Variants in NRG1 observed in about 807,000 individuals in gnomAD.
The protein encoded by NRG1 is pro-neuregulin-1, membrane-bound isoform.
A neutral mutation model predicts 63.8 loss-of-function variants in NRG1; 18 were observed. That is an observed-to-expected ratio of 0.28 (90% CI 0.19 to 0.42). NRG1 has a LOEUF of 0.42. NRG1 is among the 10% of genes least tolerant of loss of function. The pLI, the probability that NRG1 is intolerant of heterozygous loss-of-function variation, is 1.00. For missense variants in NRG1, 762 were observed against 814.7 expected (o/e 0.94, Z 0.79); for synonymous variants, 302 against 301.3 (o/e 1.00, Z -0.02).
chr8:32,219,578 T>G (rs1356484993), intron 1 of NRG1, among the ~76,000 whole-genome samples: 1 of 152,220 alleles, frequency 6.6e-6, no homozygotes, highest in Non-Finnish European at 1.5e-5. Context: ...ATTTTCCTGC[T>G]CTGTTCATAC....
intron 1 of NRG1, among the ~76,000 whole-genome samples, chr8:32,443,741 G>A (rs568604302): frequency 3.3e-5 from 5 of 152,168 alleles, no homozygotes; most frequent in African/African-American, 9.6e-5. Flanking sequence ...CTAGATAGAA[G>A]CATTTATGAT....
At chr8:32,334,143 GT>G (rs945156829) in intron 1 of NRG1, among the ~76,000 whole-genome samples, 1 of 152,040 alleles carries the variant, frequency 6.6e-6, no homozygotes, top group Non-Finnish European at 1.5e-5. Context: ...TTACAAGACT[GT>G]TTTTTTCTTT....
intron 1 of NRG1, among the ~76,000 whole-genome samples, chr8:32,173,942 G>A (rs984491157): frequency 2.6e-5 from 4 of 152,064 alleles, no homozygotes; most frequent in African/African-American, 9.7e-5. Flanking sequence ...GAGACAGAAA[G>A]TTAACAAGGA....
chr8:32,497,917 G>A (rs942541803), intron 1 of NRG1, among the ~76,000 whole-genome samples: 10 of 152,088 alleles, frequency 6.6e-5, no homozygotes, highest in East Asian at 1.9e-4. Context: ...TCCCCTTCCC[G>A]GGTTCAAGTG....
intron 1 of NRG1, among the ~76,000 whole-genome samples, chr8:31,980,719 G>A (rs182258948): frequency 1.3e-5 from 2 of 151,998 alleles, no homozygotes; most frequent in East Asian, 3.9e-4. Flanking sequence ...CTTTCAAGTT[G>A]GAAATGAATG....
At chr8:31,916,359 C>T (rs1484627052) in intron 1 of NRG1, among the ~76,000 whole-genome samples, 1 of 152,098 alleles carries the variant, frequency 6.6e-6, no homozygotes, top group Admixed American at 6.6e-5. Flanking sequence ...TATCCCTCCC[C>T]CTACCCCACA....
At chr8:32,067,735 A>G (rs899034927) in intron 1 of NRG1, among the ~76,000 whole-genome samples, 2 of 152,210 alleles carry the variant, frequency 1.3e-5, no homozygotes, top group Non-Finnish European at 2.9e-5. Context: ...CTTGGTTTAA[A>G]AAATTACTTT....
At chr8:31,883,435 G>A (rs1830501757) in intron 1 of NRG1, among the ~76,000 whole-genome samples, 1 of 152,072 alleles carries the variant, frequency 6.6e-6, no homozygotes, top group Admixed American at 6.6e-5. Flanking sequence ...AACTGAACCT[G>A]TAATATCCCT....
At chr8:32,270,743 A>G (rs528623662) in intron 1 of NRG1, among the ~76,000 whole-genome samples, 7 of 152,332 alleles carry the variant, frequency 4.6e-5, no homozygotes, top group Admixed American at 2.6e-4. Flanking sequence ...GTGACCTCAC[A>G]TTAGCAGCTT....
At chr8:31,835,431 C>T (rs769786787) in intron 1 of NRG1, among the ~76,000 whole-genome samples, 3 of 152,006 alleles carry the variant, frequency 2.0e-5, no homozygotes, top group Non-Finnish European at 2.9e-5. Context: ...CTAGTAATAA[C>T]GTTCAGCCTC....
chr8:32,263,079 A>G lies in NRG1; in HGVS notation c.38-332749A>G, dbSNP rs1031655774. ...GCAGAAATCTTTATCTGATCTGTTC[A>G]TGGACATATCCAAGTGTCAACTAGA... On this transcript the variant is annotated intron_variant, in intron 1 of 10. Transcript: ENST00000519301. Among the ~76,000 whole-genome samples, 16 of 152,332 alleles carry G rather than the reference A, an allele frequency of 1.1e-4. No homozygotes were observed. The East Asian group carries it at 2.9e-3, about 28-fold the overall frequency.
intron 1 of NRG1, among the ~76,000 whole-genome samples, chr8:31,916,828 A>G (rs1327508350): frequency 6.6e-6 from 1 of 151,774 alleles, no homozygotes; most frequent in East Asian, 2.0e-4. Flanking sequence ...CCAACAATGT[A>G]AAAGTGTTCC....
At chr8:32,427,393 C>A (rs1817522213) in intron 1 of NRG1, among the ~76,000 whole-genome samples, 1 of 152,130 alleles carries the variant, frequency 6.6e-6, no homozygotes, top group Non-Finnish European at 1.5e-5. Flanking sequence ...TTCCTGCGAT[C>A]ACAGCTGCTC....
intron 1 of NRG1, among the ~76,000 whole-genome samples, chr8:31,831,033 A>C (rs1248241234): frequency 6.6e-6 from 1 of 152,136 alleles, no homozygotes; most frequent in Non-Finnish European, 1.5e-5. Flanking sequence ...GACAGTCAAA[A>C]ACTAATTAAA....
At chr8:32,150,255 C>CAA (rs1837358751) in intron 1 of NRG1, among the ~76,000 whole-genome samples, 2 of 152,162 alleles carry the variant, frequency 1.3e-5, no homozygotes, top group African/African-American at 2.4e-5. Context: ...GTGGAAAATA[C>CAA]ACATTGTAAT....
intron 1 of NRG1, among the ~76,000 whole-genome samples, chr8:31,743,551 T>C (rs1489703091): frequency 6.6e-6 from 1 of 151,610 alleles, no homozygotes; most frequent in Non-Finnish European, 1.5e-5. Flanking sequence ...TTTCTATATA[T>C]TGTTTAATAT....
At chr8:32,562,053 G>A (rs944933662) in intron 1 of NRG1, among the ~76,000 whole-genome samples, 52 of 152,166 alleles carry the variant, frequency 3.4e-4, no homozygotes, top group African/African-American at 1.2e-3. Flanking sequence ...CCACTCTACA[G>A]ATTATAGCAG....
At chr8:32,454,245 A>G (rs902532175) in intron 1 of NRG1, among the ~76,000 whole-genome samples, 1 of 152,152 alleles carries the variant, frequency 6.6e-6, no homozygotes, top group Non-Finnish European at 1.5e-5. Flanking sequence ...TGTGACGGGT[A>G]GTATTTTGAT....
At chr8:31,674,352 G>A (rs892152400) in intron 1 of NRG1, among the ~76,000 whole-genome samples, 9 of 152,170 alleles carry the variant, frequency 5.9e-5, no homozygotes, top group African/African-American at 1.4e-4. Context: ...AGTTCTACCC[G>A]CAACGTATAA....
Sources: allele counts gnomAD v4.1 joint callset (sites outside exome capture counted in the v4.1 genomes callset), GRCh38; gene constraint gnomAD v4.1.1; transcripts MANE v1.5; gene names NCBI Gene and HGNC (gene_info 2026-07-23, HGNC 2026-07-21).